Variants in POLR3G observed in about 807,000 individuals in gnomAD.
POLR3G encodes the protein DNA-directed RNA polymerase III subunit RPC7.
Under a neutral mutation model 30.1 loss-of-function variants are expected in POLR3G, and 28 were observed. The observed-to-expected ratio is 0.93, with a 90% confidence interval of 0.69 to 1.27. The LOEUF (loss-of-function observed/expected upper bound fraction) is 1.27. Ranked by LOEUF, POLR3G falls within the 50% of genes most tolerant of loss-of-function variation. POLR3G has a pLI of 0.00. For synonymous variants in POLR3G, 79 were observed against 82.5 expected, an observed-to-expected ratio of 0.96 and a Z score of 0.23; for missense variants, 254 against 264.6, an observed-to-expected ratio of 0.96 and a Z score of 0.28.
upstream of POLR3G, chr5:90,474,179 G>A (rs767269743): frequency 4.4e-6 from 7 of 1,606,002 alleles, no homozygotes; most frequent in African/African-American, 1.3e-5. Flanking sequence ...CGTCCTGCTC[G>A]GAGCCGCGCA....
At chr5:90,477,141 A>G (rs1378160801) in intron 1 of POLR3G, among the ~76,000 whole-genome samples, 1 of 152,216 alleles carries the variant, frequency 6.6e-6, no homozygotes, top group Non-Finnish European at 1.5e-5. Context: ...TGGGAAACAC[A>G]GAGAAGGGAG....
upstream of POLR3G, chr5:90,474,379 G>A: frequency 7.9e-7 from 1 of 1,263,124 alleles, no homozygotes; most frequent in Non-Finnish European, 1.1e-6. Flanking sequence ...GCGGCTGTGT[G>A]AAGCGGTCTG....
At position 90,495,721 on chromosome 5, in the gene POLR3G, G is replaced by C; in HGVS notation, c.292G>C (p.Glu98Gln). The change falls in exon 4 of 8, where the codon GAA (glutamate) becomes CAA (glutamine). Residue 98 changes from glutamate (E) to glutamine (Q), a missense_variant. Glu to Gln is a conservative substitution (Grantham distance 29). Coordinates refer to ENST00000651687, the MANE Select transcript of POLR3G (RefSeq NM_006467.3). Reference sequence around the variant, plus strand: ...AAGATACATGAAGGTATACAAGGAAGAATGGATACCAGGTAACTACAAAAC... The same window carrying C: ...AAGATACATGAAGGTATACAAGGAACAATGGATACCAGGTAACTACAAAAC... The part of the protein sequence containing the change: ...SKRYMKVYKE[E>Q]WIPDWRRLPR... 6.3e-7 allele frequency: 1 copy of C among 1,597,006 alleles called. No homozygotes were observed. The highest frequency in any genetic ancestry group is 8.5e-7 in the Non-Finnish European group (1 of 1,172,512).
intron 7 of POLR3G, among the ~76,000 whole-genome samples, chr5:90,511,473 A>G (rs1225933266): frequency 5.3e-5 from 8 of 152,148 alleles, no homozygotes; most frequent in Admixed American, 3.3e-4. Flanking sequence ...AGAAAGTAAT[A>G]TTTGAATTTT....
intron 1 of POLR3G, among the ~76,000 whole-genome samples, chr5:90,482,691 C>G (rs1561247424): frequency 1.3e-5 from 2 of 152,184 alleles, no homozygotes; most frequent in South Asian, 2.1e-4. Context: ...GGGGCACTAC[C>G]CAGATCGATT....
At chr5:90,504,290 G>A (rs1481787852) in intron 6 of POLR3G, among the ~76,000 whole-genome samples, 4 of 152,070 alleles carry the variant, frequency 2.6e-5, no homozygotes, top group Non-Finnish European at 4.4e-5. Flanking sequence ...GCCAGGCGCC[G>A]TGGCTCACGC....
intron 7 of POLR3G, among the ~76,000 whole-genome samples, chr5:90,510,433 T>G (rs1752687505): frequency 6.6e-6 from 1 of 152,110 alleles, no homozygotes; most frequent in Admixed American, 6.5e-5. Context: ...TTGAATCACT[T>G]AAACAGAACT....
chr5:90,495,690 T>C lies in POLR3G; in HGVS notation c.261T>C (p.Tyr87=), dbSNP rs1367872888. The C allele has an allele frequency of 6.9e-6, 11 of 1,600,512 alleles. No homozygotes were observed. Among genetic ancestry groups the C allele is most frequent in the Non-Finnish European group, 9.4e-6 (11 of 1,173,906 alleles). ...TPEERQDIER[Y]SKRYMKVYKE... Reference sequence around the variant, plus strand: ...TTTTTCCCCTAGATATTGAAAGGTATAGTAAAAGATACATGAAGGTATACA... The same window carrying C: ...TTTTTCCCCTAGATATTGAAAGGTACAGTAAAAGATACATGAAGGTATACA... The change falls in exon 4 of 8, where the codon TAT becomes TAC. Residue 87 remains tyrosine, a synonymous_variant. Transcript: ENST00000651687.
Position 90,512,257 on chromosome 5 carries a change from AGTT to A in POLR3G, c.*122_*124del, listed in dbSNP as rs1752777615. On this transcript the variant is annotated 3_prime_UTR_variant, in exon 8 of 8. Coordinates refer to ENST00000651687, the MANE Select transcript of POLR3G (RefSeq NM_006467.3). ...CTTGTTTCTGTTGTTTTGGACAAATAGTTGTTACCAAAATATTCAAAACCACTT... is the reference window on the plus strand; with the variant it reads ...CTTGTTTCTGTTGTTTTGGACAAATAGTTACCAAAATATTCAAAACCACTT... 3.0e-6 allele frequency: 2 copies of A among 671,700 alleles called. No homozygotes were observed. The highest frequency in any genetic ancestry group is 5.1e-6 in the Non-Finnish European group (2 of 388,790). The allele number at this position is 671,700 out of a possible 1,614,324, so 41.6% of individuals were successfully genotyped here. A position where few individuals can be genotyped will look rare whatever the true frequency, so the allele number is the denominator to read the frequency against.
intron 6 of POLR3G, among the ~76,000 whole-genome samples, chr5:90,504,062 G>A (rs6896937): frequency 0.01 from 1,559 of 152,244 alleles, 33 homozygotes; most frequent in African/African-American, 0.036. Flanking sequence ...AAGGAATGAA[G>A]CAATGAGACA....
In POLR3G at chr5:90,495,699, A is replaced by G; in HGVS notation, c.270A>G (p.Arg90=). 3 of 1,600,046 alleles carry G rather than the reference A, an allele frequency of 1.9e-6. No individual in the cohort carries two copies. Among genetic ancestry groups the G allele is most frequent in the African/African-American group, 1.3e-5 (1 of 74,384 alleles). Residue 90 remains arginine, a synonymous_variant, in exon 4 of 8, where the codon AGA becomes AGG. Coordinates refer to ENST00000651687, the MANE Select transcript of POLR3G (RefSeq NM_006467.3). ...TAGATATTGAAAGGTATAGTAAAAG[A>G]TACATGAAGGTATACAAGGAAGAAT... is the stretch of plus-strand genomic sequence containing the variant. ...ERQDIERYSK[R]YMKVYKEEWI... is the part of the protein sequence containing the mutation.
intron 7 of POLR3G, 137 bp from the exon 8 acceptor site, chr5:90,511,916 G>A (rs1752756096): frequency 4.9e-6 from 3 of 618,238 alleles, no homozygotes; most frequent in Non-Finnish European, 8.8e-6. Flanking sequence ...TCTTAAGGAA[G>A]AAAGCGGCAC....
intron 6 of POLR3G, among the ~76,000 whole-genome samples, chr5:90,504,312 G>A (rs772482157): frequency 6.6e-6 from 1 of 152,048 alleles, no homozygotes; most frequent in African/African-American, 2.4e-5. Flanking sequence ...TGTAATCTCA[G>A]CACTTTGGGA....
intron 4 of POLR3G, among the ~76,000 whole-genome samples, chr5:90,496,699 T>C (rs1428441051): frequency 2.6e-5 from 4 of 152,248 alleles, no homozygotes; most frequent in Admixed American, 2.6e-4. Context: ...TCACATTCTT[T>C]TTATGTCTCT....
Position 90,513,525 on chromosome 5 carries a change from T to TTTTAAGAAACATG in POLR3G, c.*1390_*1402dup, listed in dbSNP as rs1168473641. The TTTTAAGAAACATG allele has an allele frequency of 6.6e-6, 1 of 152,652 alleles. No homozygotes were observed. The highest frequency in any genetic ancestry group is 1.5e-5 in the Non-Finnish European group (1 of 68,022). The allele number at this position is 152,652 out of a possible 1,614,324, so 9.5% of individuals were successfully genotyped here. A position where few individuals can be genotyped will look rare whatever the true frequency, so the allele number is the denominator to read the frequency against. ...GTTTGGAGAGTAACTGAAAGCACAA[T>TTTTAAGAAACATG]TTTAAGAAACATGTTTTCCTCACAA... On this transcript the variant is annotated 3_prime_UTR_variant, in exon 8 of 8. Transcript: ENST00000651687.
rs1319988108 is a variant in POLR3G, at chr5:90,512,428, CTT to C, written c.*290_*291del. The C allele has an allele frequency of 1.7e-5, 5 of 291,060 alleles. No individual in the cohort carries two copies. Among genetic ancestry groups the C allele is most frequent in the East Asian group, 1.2e-4 (2 of 16,584 alleles). 18.0% of individuals were successfully genotyped at this position (291,060 alleles called of 1,614,324 possible). A position where few individuals can be genotyped will look rare whatever the true frequency, so the allele number is the denominator to read the frequency against. On this transcript the variant is annotated 3_prime_UTR_variant, in exon 8 of 8. Transcript: ENST00000651687. ...AATGTGCCTAAAGAATTTTTGCTCT[CTT>C]AATCTATGTATACATACTTGAACAA...
rs150353170 is a variant in POLR3G at position 90,493,280 on chromosome 5, T to C, written c.248-2397T>C. Reference sequence around the variant, plus strand: ...ATTTTTATTTGAGACAGGATCTCGTTCTGTCACCCAGGCTGGAATGCAGTG... The same window carrying C: ...ATTTTTATTTGAGACAGGATCTCGTCCTGTCACCCAGGCTGGAATGCAGTG... On this transcript the variant is annotated intron_variant, in intron 3 of 7. Coordinates refer to ENST00000651687, the MANE Select transcript of POLR3G (RefSeq NM_006467.3). Among the ~76,000 whole-genome samples the C allele has an allele frequency of 5.0e-3, 759 of 152,310 alleles. 6 individuals are homozygous for C. The highest frequency in any genetic ancestry group is 0.017 in the African/African-American group (723 of 41,566).
chr5:90,512,889 CATTTT>C lies in POLR3G; in HGVS notation c.*758_*762del, dbSNP rs1561262006. ...GGGCTTATGAAAAATTTGACTAAGA[CATTTT>C]ATTTTATACTTTATGTAAATGTGAA... is the stretch of plus-strand genomic sequence containing the variant. On this transcript the variant is annotated 3_prime_UTR_variant, in exon 8 of 8. Coordinates refer to ENST00000651687, the MANE Select transcript of POLR3G (RefSeq NM_006467.3). 6.6e-6 allele frequency: 1 copy of C among 152,052 alleles called. No individual in the cohort carries two copies. The highest frequency in any genetic ancestry group is 2.4e-5 in the African/African-American group (1 of 41,440). The allele number at this position is 152,052 out of a possible 1,614,324, so 9.4% of individuals were successfully genotyped here.
intron 2 of POLR3G, 26 bp downstream of exon 2, chr5:90,485,710 C>A: frequency 1.3e-6 from 2 of 1,508,986 alleles, no homozygotes; most frequent in South Asian, 1.2e-5. Flanking sequence ...GTTGAATTCT[C>A]ATAGTGTGTT....
Sources: gnomAD v4.1 joint callset for allele counts (sites outside exome capture counted in the v4.1 genomes callset) on GRCh38, gnomAD v4.1.1 for gene constraint, MANE v1.5 for transcripts, NCBI Gene and HGNC (gene_info 2026-07-23, HGNC 2026-07-21) for gene names.